Variants in SAMD5 observed in about 807,000 individuals in gnomAD.
SAMD5 encodes the protein sterile alpha motif domain containing 5, also known as sterile alpha motif domain-containing protein 5.
Under a neutral mutation model 11.3 loss-of-function variants are expected in SAMD5, and 13 were observed. That is an observed-to-expected ratio of 1.15 (90% CI 0.75 to 1.83). The LOEUF (loss-of-function observed/expected upper bound fraction) is 1.83, where lower values mean the gene tolerates loss of function less well. SAMD5 is among the 40% of genes most tolerant of loss of function. SAMD5 has a pLI of 0.00. For synonymous variants in SAMD5, 129 were observed against 111.3 expected (o/e 1.16, Z -1.00); for missense variants, 255 against 239.1 (o/e 1.07, Z -0.44).
chr6:147,910,105 G>C, the SAMD5 span, among the ~76,000 whole-genome samples: 28 of 152,140 alleles, frequency 1.8e-4, no homozygotes, highest in African/African-American at 6.5e-4. Context: ...TTCCCAGTCT[G>C]GTAAGAGAGA....
intron 1 of SAMD5, among the ~76,000 whole-genome samples, chr6:147,558,215 G>A (rs933906756): frequency 6.6e-6 from 1 of 152,170 alleles, no homozygotes; most frequent in Non-Finnish European, 1.5e-5. Context: ...TGTGGAATAG[G>A]TTGATGAGAG....
chr6:147,531,029 A>C (rs1209593473), intron 1 of SAMD5, among the ~76,000 whole-genome samples: 1 of 152,236 alleles, frequency 6.6e-6, no homozygotes, highest in South Asian at 2.1e-4. Flanking sequence ...TATAAAACAT[A>C]AACCTTTTTC....
intron 1 of SAMD5, among the ~76,000 whole-genome samples, chr6:147,600,404 T>C (rs1248675189): frequency 2.6e-5 from 4 of 152,164 alleles, no homozygotes. Context: ...TCTTCTTGGC[T>C]TCAGATAGAT....
At chr6:147,694,780 G>A (rs897845169) in intron 1 of SAMD5, among the ~76,000 whole-genome samples, 3 of 152,166 alleles carry the variant, frequency 2.0e-5, no homozygotes, top group African/African-American at 4.8e-5. Context: ...TTGCACCACT[G>A]CATTCCAGCC....
At chr6:147,589,797 T>C (rs1789427897) in intron 1 of SAMD5, among the ~76,000 whole-genome samples, 1 of 152,172 alleles carries the variant, frequency 6.6e-6, no homozygotes, top group African/African-American at 2.4e-5. Flanking sequence ...TTAAATATAG[T>C]ATAAATGTGA....
At chr6:147,595,750 C>T (rs1164367666) in intron 1 of SAMD5, among the ~76,000 whole-genome samples, 1 of 152,020 alleles carries the variant, frequency 6.6e-6, no homozygotes, top group Non-Finnish European at 1.5e-5. Flanking sequence ...GGGTCTCGAT[C>T]TCCTGACCTC....
intron 1 of SAMD5, among the ~76,000 whole-genome samples, chr6:147,553,629 C>T (rs1788807700): frequency 6.6e-6 from 1 of 152,184 alleles, no homozygotes; most frequent in African/African-American, 2.4e-5. Context: ...CACTGCATAA[C>T]ACCCAGCATG....
chr6:147,920,100 A>G, the SAMD5 span, among the ~76,000 whole-genome samples: 1 of 152,186 alleles, frequency 6.6e-6, no homozygotes, highest in Non-Finnish European at 1.5e-5. Context: ...AAGGATGGAA[A>G]GTATTGTTCC....
At chr6:147,636,037 T>C (rs1790226353) in intron 1 of SAMD5, among the ~76,000 whole-genome samples, 1 of 152,234 alleles carries the variant, frequency 6.6e-6, no homozygotes, top group African/African-American at 2.4e-5. Flanking sequence ...GATTTGATTC[T>C]GTACCATGTG....
the SAMD5 span, among the ~76,000 whole-genome samples, chr6:147,869,704 T>A: frequency 6.6e-6 from 1 of 152,118 alleles, no homozygotes; most frequent in African/African-American, 2.4e-5. Flanking sequence ...ATTATTATTA[T>A]TATTATTACT....
the SAMD5 span, among the ~76,000 whole-genome samples, chr6:147,921,359 G>A: frequency 6.6e-6 from 1 of 151,360 alleles, no homozygotes; most frequent in Non-Finnish European, 1.5e-5. Flanking sequence ...TACCAAAGGA[G>A]AGCCAAGGAA....
At chr6:147,842,464 A>T in the SAMD5 span, among the ~76,000 whole-genome samples, 13 of 151,984 alleles carry the variant, frequency 8.6e-5, no homozygotes, top group East Asian at 1.7e-3. Context: ...ATGCTCTTTC[A>T]TGGTTTAAGC....
intron 1 of SAMD5, among the ~76,000 whole-genome samples, chr6:147,549,499 T>G (rs1018618436): frequency 2.0e-5 from 3 of 152,196 alleles, no homozygotes; most frequent in African/African-American, 7.2e-5. Context: ...CTCCTTGTTC[T>G]TTTTTCATGC....
In SAMD5 at chr6:147,589,000, G is replaced by A. The variant is rs181444837; in HGVS notation, c.162+79613G>A. ...TGAGATGAGGTCTCGCTCTGTCGCC[G>A]AGGCTGGCGTGCAGTGGCACAGTTG... is the stretch of plus-strand genomic sequence containing the variant. On this transcript the variant is annotated intron_variant, in intron 1 of 1. Coordinates refer to the SAMD5 transcript ENST00000566741. 7.2e-5 allele frequency among the ~76,000 whole-genome samples: 11 copies of A among 151,832 alleles called. No homozygotes were observed. In the East Asian group the frequency reaches 1.6e-3, roughly 22 times the overall value.
the SAMD5 span, chr6:147,743,460 G>T: frequency 1.3e-5 from 2 of 151,426 alleles, no homozygotes; most frequent in South Asian, 2.1e-4. Context: ...CCGAGATCGT[G>T]CCACTGCACT....
chr6:147,794,096 A>C, the SAMD5 span, among the ~76,000 whole-genome samples: 1 of 152,198 alleles, frequency 6.6e-6, no homozygotes, highest in Non-Finnish European at 1.5e-5. Flanking sequence ...CACCAGTGGG[A>C]AAAAATGCAT....
At chr6:147,932,123 T>C in the SAMD5 span, among the ~76,000 whole-genome samples, 1 of 152,218 alleles carries the variant, frequency 6.6e-6, no homozygotes, top group Admixed American at 6.5e-5. Flanking sequence ...CCTTGTTTTA[T>C]CATTATATAT....
chr6:147,886,114 C>A, the SAMD5 span, among the ~76,000 whole-genome samples: 1 of 152,054 alleles, frequency 6.6e-6, no homozygotes, highest in African/African-American at 2.4e-5. Flanking sequence ...TTAAAAAGAG[C>A]ATTTCCCAGG....
chr6:147,896,738 C>CAAAAAAAAAAAAAAAAAAAAAA, the SAMD5 span, among the ~76,000 whole-genome samples: 1 of 55,320 alleles, frequency 1.8e-5, no homozygotes. Context: ...GAACATTAAC[C>CAAAAAAAAAAAAAAAAAAAAAA]AAAAAAAAAA....
Sources: allele counts gnomAD v4.1 joint callset (sites outside exome capture counted in the v4.1 genomes callset), GRCh38; gene constraint gnomAD v4.1.1; transcripts MANE v1.5; gene names NCBI Gene and HGNC (gene_info 2026-07-23, HGNC 2026-07-21).